NAALADL2: variants seen among roughly 807,000 people sequenced by gnomAD.
The protein encoded by NAALADL2 is inactive N-acetylated-alpha-linked acidic dipeptidase-like protein 2.
A neutral mutation model predicts 87.2 loss-of-function variants in NAALADL2; 76 were observed. That is an observed-to-expected ratio of 0.87 (90% CI 0.72 to 1.05). The LOEUF is 1.05. Ranked by LOEUF, NAALADL2 falls within the 50% of genes least tolerant of loss-of-function variation. The pLI is 0.00. For missense variants in NAALADL2, 1,089 were observed against 945.8 expected (o/e 1.15, Z -1.99); for synonymous variants, 354 against 331.0 (o/e 1.07, Z -0.75).
At chr3:175,323,430 T>C (rs1451014472) in intron 4 of NAALADL2, among the ~76,000 whole-genome samples, 1 of 151,386 alleles carries the variant, frequency 6.6e-6, no homozygotes, top group Non-Finnish European at 1.5e-5. Flanking sequence ...ATGGCACATG[T>C]ATACATATGT....
At chr3:174,758,688 A>G (rs1203906308) in intron 3 of NAALADL2, among the ~76,000 whole-genome samples, 3 of 152,204 alleles carry the variant, frequency 2.0e-5, no homozygotes, top group Non-Finnish European at 2.9e-5. Flanking sequence ...GTCCAGGAAT[A>G]GAGCTCTGTG....
chr3:175,645,921 C>T (rs982397203), intron 11 of NAALADL2, among the ~76,000 whole-genome samples: 1 of 152,076 alleles, frequency 6.6e-6, no homozygotes, highest in Non-Finnish European at 1.5e-5. Context: ...CAGCATCAGA[C>T]AGTAGAGCTA....
intron 2 of NAALADL2, among the ~76,000 whole-genome samples, chr3:174,665,551 A>G (rs1725882389): frequency 6.6e-6 from 1 of 152,170 alleles, no homozygotes; most frequent in African/African-American, 2.4e-5. Flanking sequence ...GTCAGAGAGA[A>G]TAAGTGTTCA....
intron 1 of NAALADL2, among the ~76,000 whole-genome samples, chr3:174,452,607 A>G (rs1019350893): frequency 6.6e-6 from 1 of 152,084 alleles, no homozygotes; most frequent in Non-Finnish European, 1.5e-5. Context: ...AGAGAACAAA[A>G]TTGAGGCCCG....
At chr3:175,124,144 G>C (rs549875367) in intron 2 of NAALADL2, among the ~76,000 whole-genome samples, 17 of 151,852 alleles carry the variant, frequency 1.1e-4, no homozygotes, top group African/African-American at 4.1e-4. Flanking sequence ...TGTTTGTAGG[G>C]GTCTCTGCCG....
intron 1 of NAALADL2, among the ~76,000 whole-genome samples, chr3:175,014,495 C>T (rs947439680): frequency 6.6e-6 from 1 of 151,990 alleles, no homozygotes; most frequent in African/African-American, 2.4e-5. Context: ...ATAATGTATT[C>T]CCAGTACATA....
intron 1 of NAALADL2, chr3:174,864,219 G>T (rs543503040): frequency 2.9e-6 from 1 of 345,698 alleles, no homozygotes; most frequent in Non-Finnish European, 5.7e-6. Context: ...CTGAAGTAAA[G>T]CCTAAGAAAT....
intron 5 of NAALADL2, among the ~76,000 whole-genome samples, chr3:175,432,613 T>C (rs1359671478): frequency 6.6e-6 from 1 of 152,064 alleles, no homozygotes; most frequent in African/African-American, 2.4e-5. Flanking sequence ...GTTGATTCTT[T>C]TGCCTGGAAT....
intron 3 of NAALADL2, among the ~76,000 whole-genome samples, chr3:174,816,237 G>T (rs1720785711): frequency 6.6e-6 from 1 of 150,576 alleles, no homozygotes; most frequent in African/African-American, 2.4e-5. Context: ...CTCCTCCTCT[G>T]CCTTCTCTCT....
intron 11 of NAALADL2, among the ~76,000 whole-genome samples, chr3:175,733,174 A>G (rs1372567805): frequency 6.6e-6 from 1 of 152,228 alleles, no homozygotes; most frequent in African/African-American, 2.4e-5. Flanking sequence ...TGTGCAAACA[A>G]TTGGGAAATA....
rs200506028 is a variant in NAALADL2 at position 175,355,012 on chromosome 3, C to CTA, written c.1090+30697_1090+30698dup. 9.5e-4 allele frequency among the ~76,000 whole-genome samples: 110 copies of CTA among 115,472 alleles called. 1 individual carries two copies. The highest frequency in any genetic ancestry group is 4.1e-3 in the Middle Eastern group (1 of 246). The allele number at this position is 115,472 out of a possible 152,430, so 75.8% of individuals were successfully genotyped here. A position where few individuals can be genotyped will look rare whatever the true frequency, so the allele number is the denominator to read the frequency against. On this transcript the variant is annotated intron_variant, in intron 5 of 13. Transcript: ENST00000454872. ...CCAATTTTATTTATATATATAATTG[C>CTA]TATATATATATGTGTGTGTGTGTGT...
At chr3:174,864,291 A>G (rs1184144860) in intron 1 of NAALADL2, among the ~76,000 whole-genome samples, 3 of 152,076 alleles carry the variant, frequency 2.0e-5, no homozygotes, top group Non-Finnish European at 4.4e-5. Context: ...TCTAAGTGGA[A>G]GTGGAATCTT....
At chr3:174,876,206 G>T (rs1728492172) in intron 1 of NAALADL2, among the ~76,000 whole-genome samples, 1 of 152,090 alleles carries the variant, frequency 6.6e-6, no homozygotes, top group African/African-American at 2.4e-5. Flanking sequence ...TATGTGTAAA[G>T]CTAGGAAAGG....
chr3:175,091,834 A>G (rs1477475027), intron 1 of NAALADL2, among the ~76,000 whole-genome samples: 2 of 152,000 alleles, frequency 1.3e-5, no homozygotes. Flanking sequence ...TCTCTTTTAT[A>G]TATCTGAACC....
At position 175,102,406 on chromosome 3, in the gene NAALADL2, C is replaced by G. The variant is rs369826235; in HGVS notation, c.545+5115C>G. On this transcript the variant is annotated intron_variant, in intron 2 of 13. Coordinates refer to ENST00000454872, the MANE Select transcript of NAALADL2 (RefSeq NM_207015.3). ...AAAAGAATGTTGATAAAGGTTTTCC[C>G]TATGAATTGACCACGTGCATTTCAT... Among the ~76,000 whole-genome samples, 6 of 152,134 alleles carry G rather than the reference C, an allele frequency of 3.9e-5. No individual in the cohort carries two copies. In the East Asian group the frequency reaches 7.7e-4, roughly 19 times the overall value.
At chr3:174,617,358 A>T (rs1720563282) in intron 2 of NAALADL2, among the ~76,000 whole-genome samples, 1 of 151,768 alleles carries the variant, frequency 6.6e-6, no homozygotes, top group Non-Finnish European at 1.5e-5. Context: ...TATATCATAA[A>T]TTTAGTCATA....
Position 175,647,064 on chromosome 3 carries a change from A to C in NAALADL2, c.1896+19678A>C, listed in dbSNP as rs543913545. Among the ~76,000 whole-genome samples the C allele has an allele frequency of 7.2e-5, 11 of 152,258 alleles. No homozygotes were observed. In the South Asian group the frequency reaches 2.1e-3, roughly 29 times the overall value. ...CCAAGGCAGAGCAAGAGCAAAATGG[A>C]CAAGGATGCAGTGGTTCTTAAATGT... is the stretch of plus-strand genomic sequence containing the variant. On this transcript the variant is annotated intron_variant, in intron 11 of 13. Transcript: ENST00000454872.
intron 3 of NAALADL2, among the ~76,000 whole-genome samples, chr3:174,790,768 T>C (rs942967658): frequency 9.9e-5 from 15 of 152,146 alleles, no homozygotes; most frequent in Non-Finnish European, 2.9e-5. Flanking sequence ...AACATACCAA[T>C]ACAATAATAT....
At chr3:174,451,129 A>T (rs1715453336) in intron 1 of NAALADL2, among the ~76,000 whole-genome samples, 2 of 152,316 alleles carry the variant, frequency 1.3e-5, no homozygotes, top group South Asian at 4.1e-4. Context: ...TTTACTTTCA[A>T]CGAGAATAAC....
Sources: allele counts gnomAD v4.1 joint callset (sites outside exome capture counted in the v4.1 genomes callset), GRCh38; gene constraint gnomAD v4.1.1; transcripts MANE v1.5; gene names NCBI Gene and HGNC (gene_info 2026-07-23, HGNC 2026-07-21).